Variants in UNC13C observed in about 807,000 individuals in gnomAD.
UNC13C encodes the protein unc-13 homolog C, also known as protein unc-13 homolog C.
A neutral mutation model predicts 245.4 loss-of-function variants in UNC13C; 174 were observed. The observed-to-expected ratio is 0.71, with a 90% confidence interval of 0.63 to 0.80. The LOEUF is 0.80. Among genes scored for constraint, UNC13C ranks in the 30% least tolerant of loss-of-function variants. The pLI is 0.00. For missense variants in UNC13C, 2,829 were observed against 2,602.9 expected, an observed-to-expected ratio of 1.09 and a Z score of -1.89; for synonymous variants, 992 against 895.1, an observed-to-expected ratio of 1.11 and a Z score of -1.93.
At chr15:54,505,462 T>C (rs1213448538) in intron 22 of UNC13C, among the ~76,000 whole-genome samples, 4 of 152,220 alleles carry the variant, frequency 2.6e-5, no homozygotes, top group African/African-American at 7.2e-5. Context: ...ATAATGTGCA[T>C]GTCCAACAAG....
chr15:54,620,806 T>A (rs1349958166), intron 30 of UNC13C, among the ~76,000 whole-genome samples: 1 of 148,788 alleles, frequency 6.7e-6, no homozygotes, highest in Non-Finnish European at 1.5e-5. Flanking sequence ...AAAAAACCTC[T>A]CTCCCAAAAG....
chr15:54,008,076 C>T (rs989310691), intron 1 of UNC13C, among the ~76,000 whole-genome samples: 3 of 152,192 alleles, frequency 2.0e-5, no homozygotes, highest in Non-Finnish European at 2.9e-5. Flanking sequence ...TAACTTAATT[C>T]TGGTAATGAT....
chr15:54,613,801 G>A (rs1224982820), intron 30 of UNC13C, among the ~76,000 whole-genome samples: 2 of 151,878 alleles, frequency 1.3e-5, no homozygotes, highest in Admixed American at 6.6e-5. Flanking sequence ...TTGTGTCACT[G>A]TGTATTTGGC....
intron 19 of UNC13C, among the ~76,000 whole-genome samples, chr15:54,478,628 A>G (rs1213353182): frequency 5.3e-5 from 8 of 151,574 alleles, no homozygotes; most frequent in African/African-American, 1.9e-4. Flanking sequence ...GTTTTGAGTG[A>G]GTTTCTTAAT....
At position 54,013,017 on chromosome 15, in the gene UNC13C, G is replaced by C. The variant is rs567758216; in HGVS notation, c.114G>C (p.Gln38His). The stretch of plus-strand genomic sequence containing the variant: ...ACAAAAACAAAGAGTATCGTCAGCA[G>C]AAAAAGGATCAAGACTTCCCCACTG... ...NTNKNKEYRQ[Q>H]KKDQDFPTAG... The change falls in exon 2 of 33, where the codon CAG becomes CAC. Residue 38 changes from glutamine (Q) to histidine (H), a missense_variant. Coordinates refer to ENST00000260323, the MANE Select transcript of UNC13C (RefSeq NM_001080534.3). 6.2e-7 allele frequency: 1 copy of C among 1,613,860 alleles called. No individual in the cohort carries two copies. The highest frequency in any genetic ancestry group is 8.5e-7 in the Non-Finnish European group (1 of 1,179,828).
intron 8 of UNC13C, among the ~76,000 whole-genome samples, chr15:54,256,455 G>T (rs74013563): frequency 0.027 from 4,073 of 152,080 alleles, 198 homozygotes; most frequent in African/African-American, 0.095. Context: ...TCAGTCCTCC[G>T]CAGTATGGTC....
chr15:54,487,969 A>C (rs8033074), intron 19 of UNC13C, among the ~76,000 whole-genome samples: 11,948 of 152,024 alleles, frequency 0.079, 533 homozygotes, highest in African/African-American at 0.12. Flanking sequence ...TGTTAACACT[A>C]TAGCTTACTT....
rs115712279 is a variant in UNC13C at position 54,479,017 on chromosome 15, G to A, written c.4934-15591G>A. Among the ~76,000 whole-genome samples, 921 of 151,824 alleles carry A rather than the reference G, an allele frequency of 6.1e-3. 13 individuals are homozygous for A. The highest frequency in any genetic ancestry group is 0.021 in the African/African-American group (887 of 41,426). Reference sequence around the variant, plus strand: ...CTCCTGTATTGGGTGCATATATATGGGATATCCAGCTCTCCTGGCACCATT... The same window carrying A: ...CTCCTGTATTGGGTGCATATATATGAGATATCCAGCTCTCCTGGCACCATT... On this transcript the variant is annotated intron_variant, in intron 19 of 32. Coordinates refer to ENST00000260323, the MANE Select transcript of UNC13C (RefSeq NM_001080534.3).
intron 17 of UNC13C, among the ~76,000 whole-genome samples, chr15:54,392,777 C>G (rs28727917): frequency 1.2e-4 from 18 of 151,896 alleles, no homozygotes; most frequent in African/African-American, 3.9e-4. Flanking sequence ...GGAAAAACCT[C>G]TAATCCAGAA....
At chr15:54,456,516 G>A (rs8027041) in intron 19 of UNC13C, among the ~76,000 whole-genome samples, 66,939 of 151,516 alleles carry the variant, frequency 0.44, 15,099 homozygotes, top group East Asian at 0.72. Flanking sequence ...TGTATCATCT[G>A]TTTCTTTCAG....
chr15:54,467,808 C>T (rs1892260226), intron 19 of UNC13C, among the ~76,000 whole-genome samples: 1 of 151,678 alleles, frequency 6.6e-6, no homozygotes, highest in South Asian at 2.1e-4. Context: ...TCTTTTAAGG[C>T]TCAATAGTAT....
intron 23 of UNC13C, 148 bp from the exon 24 acceptor site, chr15:54,511,605 A>G: frequency 1.7e-6 from 1 of 583,200 alleles, no homozygotes; most frequent in Non-Finnish European, 3.0e-6. Context: ...ACTGTTACAA[A>G]CTATAATGTT....
intron 10 of UNC13C, among the ~76,000 whole-genome samples, chr15:54,280,975 T>A (rs888274747): frequency 7.3e-5 from 11 of 151,684 alleles, no homozygotes; most frequent in African/African-American, 2.7e-4. Flanking sequence ...TTTTTGTATG[T>A]TTAGTAGAGA....
intron 19 of UNC13C, among the ~76,000 whole-genome samples, chr15:54,464,789 G>A (rs1267697734): frequency 6.6e-6 from 1 of 151,850 alleles, no homozygotes; most frequent in Admixed American, 6.6e-5. Context: ...CATGTTTATT[G>A]ACTATTCTCC....
chr15:54,019,549 C>G (rs984244587), intron 2 of UNC13C, among the ~76,000 whole-genome samples: 1 of 152,172 alleles, frequency 6.6e-6, no homozygotes, highest in Non-Finnish European at 1.5e-5. Flanking sequence ...CAGTCTGATA[C>G]ACTTTACCTG....
intron 30 of UNC13C, among the ~76,000 whole-genome samples, chr15:54,610,163 G>T (rs963081354): frequency 6.6e-6 from 1 of 152,030 alleles, no homozygotes; most frequent in African/African-American, 2.4e-5. Context: ...TCACTGTTTA[G>T]TGTGCATTCA....
chr15:53,903,352 G>A, the UNC13C span, among the ~76,000 whole-genome samples: 1 of 152,130 alleles, frequency 6.6e-6, no homozygotes, highest in Admixed American at 6.6e-5. Context: ...TAAATCAGAA[G>A]CACATCCATC....
intron 2 of UNC13C, among the ~76,000 whole-genome samples, chr15:54,132,910 G>A (rs2031516258): frequency 6.6e-6 from 1 of 152,058 alleles, no homozygotes; most frequent in African/African-American, 2.4e-5. Context: ...ATACAAACTT[G>A]GAGATCTCTC....
chr15:54,498,072 A>G (rs1012223499), intron 20 of UNC13C, among the ~76,000 whole-genome samples: 30 of 152,148 alleles, frequency 2.0e-4, no homozygotes, highest in Admixed American at 8.5e-4. Context: ...AAGAACAAAG[A>G]AGTTTGAAAA....
Sources: allele counts gnomAD v4.1 joint callset (sites outside exome capture counted in the v4.1 genomes callset), GRCh38; gene constraint gnomAD v4.1.1; transcripts MANE v1.5; gene names NCBI Gene and HGNC (gene_info 2026-07-23, HGNC 2026-07-21).